Variants in FBXL18 observed in about 807,000 individuals in gnomAD.
FBXL18 encodes the protein F-box and leucine rich repeat protein 18.
In FBXL18, 36 loss-of-function variants were observed where a neutral mutation model predicts 46.0. The observed-to-expected ratio is 0.78, with a 90% CI of 0.60 to 1.03. FBXL18 has a LOEUF of 1.03. Ranked by LOEUF, FBXL18 falls within the 50% of genes least tolerant of loss-of-function variation. The probability of loss-of-function intolerance (pLI) is 0.00; values close to 1 mark genes in which losing one functional copy is unlikely to be tolerated. For missense variants in FBXL18, 977 were observed against 1,004.1 expected, an observed-to-expected ratio of 0.97 and a Z score of 0.36; for synonymous variants, 557 against 465.3, an observed-to-expected ratio of 1.20 and a Z score of -2.54.
chr7:5,488,312 C>T (rs556556015), intron 4 of FBXL18, among the ~76,000 whole-genome samples: 72 of 152,276 alleles, frequency 4.7e-4, no homozygotes, highest in Non-Finnish European at 8.2e-4. Flanking sequence ...CACGTCCAAC[C>T]GACCCGCCTG....
chr7:5,458,017 C>T (rs1010855896), intron 4 of FBXL18, among the ~76,000 whole-genome samples: 1 of 151,740 alleles, frequency 6.6e-6, no homozygotes, highest in African/African-American at 2.4e-5. Flanking sequence ...GACATTGCTC[C>T]GGCGGATTCA....
intron 4 of FBXL18, among the ~76,000 whole-genome samples, chr7:5,482,540 C>A (rs1783676470): frequency 6.6e-6 from 1 of 150,838 alleles, no homozygotes; most frequent in South Asian, 2.1e-4. Context: ...CCCCGCCACG[C>A]TGTGCACGAA....
chr7:5,488,721 G>A (rs1176262811), intron 4 of FBXL18, among the ~76,000 whole-genome samples: 17 of 152,230 alleles, frequency 1.1e-4, no homozygotes, highest in East Asian at 9.6e-4. Context: ...AAGCGCAAGC[G>A]TATGGGGGGC....
chr7:5,456,144 A>G (rs1051633092), intron 4 of FBXL18, among the ~76,000 whole-genome samples: 2 of 151,890 alleles, frequency 1.3e-5, no homozygotes, highest in African/African-American at 4.8e-5. Flanking sequence ...CTAAAAGCAG[A>G]CCAGTCCCCA....
intron 4 of FBXL18, among the ~76,000 whole-genome samples, chr7:5,484,868 A>G (rs1783735156): frequency 6.6e-6 from 1 of 151,760 alleles, no homozygotes; most frequent in African/African-American, 2.4e-5. Flanking sequence ...CGAACTCCTG[A>G]CCTCAAGTGA....
chr7:5,482,494 A>ACCCCCCCCCCATGC, intron 4 of FBXL18, among the ~76,000 whole-genome samples: 1 of 124,330 alleles, frequency 8.0e-6, no homozygotes, highest in Non-Finnish European at 1.7e-5. Context: ...CAGGTAGGCG[A>ACCCCCCCCCCATGC]CCCCCCCCCA....
chr7:5,471,101 G>A (rs1452455456), downstream of FBXL18, among the ~76,000 whole-genome samples: 5 of 152,178 alleles, frequency 3.3e-5, no homozygotes, highest in Admixed American at 3.3e-4. Flanking sequence ...GCAAAGCAAG[G>A]GTCACGGCAA....
rs1783592001 is a variant in FBXL18 at position 5,479,526 on chromosome 7, T to C, written c.*2249A>G. On this transcript the variant is annotated 3_prime_UTR_variant, in exon 5 of 5. Coordinates refer to ENST00000382368, the MANE Select transcript of FBXL18 (RefSeq NM_024963.6). ...CGCGCCTGGTGGTCTCCAGGTGCCA[T>C]TTTAAAGCTCTAAAGAAATGCCCAG... is the stretch of plus-strand genomic sequence containing the variant. The C allele has an allele frequency of 6.6e-6, 1 of 152,202 alleles. No homozygotes were observed. Among genetic ancestry groups the C allele is most frequent in the Non-Finnish European group, 1.5e-5 (1 of 68,070 alleles). The allele number at this position is 152,202 out of a possible 1,614,324, so 9.4% of individuals were successfully genotyped here.
At position 5,500,472 on chromosome 7, in the gene FBXL18, C is replaced by G. The variant is rs749279919; in HGVS notation, c.1781+16G>C. 6.4e-7 allele frequency: 1 copy of G among 1,573,048 alleles called. No homozygotes were observed. Among genetic ancestry groups the G allele is most frequent in the Admixed American group, 1.8e-5 (1 of 55,414 alleles). ...GCTTCCAGCAGAGGCCCGAGAGGTC[C>G]CCGCGGCCCCCTCACCTGAGGTCCC... On this transcript the variant is annotated intron_variant, in intron 3 of 4. Coordinates refer to ENST00000382368, the MANE Select transcript of FBXL18 (RefSeq NM_024963.6).
chr7:5,513,755 G>C lies in FBXL18; in HGVS notation c.-81C>G. ...TGCCCGGCTAGGGATGCTCGAAGCCGGCGCGTCCACCGCTCAACCGAGACC... is the reference window on the plus strand; with the variant it reads ...TGCCCGGCTAGGGATGCTCGAAGCCCGCGCGTCCACCGCTCAACCGAGACC... On this transcript the variant is annotated 5_prime_UTR_variant, in exon 1 of 5. Coordinates refer to ENST00000382368, the MANE Select transcript of FBXL18 (RefSeq NM_024963.6). 4 of 1,541,038 alleles carry C rather than the reference G, an allele frequency of 2.6e-6. No individual in the cohort carries two copies. The highest frequency in any genetic ancestry group is 2.6e-6 in the Non-Finnish European group (3 of 1,140,376).
At position 5,477,260 on chromosome 7, in the gene FBXL18, C is replaced by T. The variant is rs1197238723; in HGVS notation, c.*4515G>A. 1.3e-5 allele frequency among the ~76,000 whole-genome samples: 2 copies of T among 152,170 alleles called. No individual in the cohort carries two copies. The highest frequency in any genetic ancestry group is 2.9e-5 in the Non-Finnish European group (2 of 68,042). On this transcript the variant is annotated 3_prime_UTR_variant, in exon 5 of 5. Transcript: ENST00000382368. The surrounding 1 kb of genome is among the most constrained non-coding windows in gnomAD (Gnocchi z 4.4). ...GACCCATGACCATCACAAAGACCCC[C>T]CAGCGTCGTGGTCAAGGCTACCAGG...
At chr7:5,473,855 T>C (rs1203198947), downstream of FBXL18, among the ~76,000 whole-genome samples, 1 of 151,532 alleles carries the variant, frequency 6.6e-6, no homozygotes, top group Non-Finnish European at 1.5e-5. Flanking sequence ...AGGGTAATAG[T>C]GCGGCCTTGG....
In FBXL18 at chr7:5,481,850, G is replaced by A. The variant is rs757632636; in HGVS notation, c.2082C>T (p.Val694=). The part of the protein sequence containing the change: ...HEGLTDVIRD[V]PLVHLDEITL... ...TGATCTCATCCAGGTGCACCAGGGG[G>A]ACGTCCCGGATGACGTCGGTCAGGC... Residue 694 remains valine, a synonymous_variant, in exon 5 of 5, where the codon GTC becomes GTT. Transcript: ENST00000382368. 3.1e-6 allele frequency: 5 copies of A among 1,613,900 alleles called. No homozygotes were observed. The highest frequency in any genetic ancestry group is 1.7e-4 in the Middle Eastern group (1 of 6,060).
chr7:5,485,614 G>A (rs1311821770), intron 4 of FBXL18, among the ~76,000 whole-genome samples: 2 of 152,072 alleles, frequency 1.3e-5, no homozygotes, highest in African/African-American at 4.8e-5. Context: ...AGGAGTTCAA[G>A]ACCACCCCGG....
Position 5,480,318 on chromosome 7 carries a change from C to G in FBXL18, c.*1457G>C, listed in dbSNP as rs529214118. 6.6e-6 allele frequency: 1 copy of G among 152,238 alleles called. No individual in the cohort carries two copies. The highest frequency in any genetic ancestry group is 1.5e-5 in the Non-Finnish European group (1 of 68,032). 9.4% of individuals were successfully genotyped at this position (152,238 alleles called of 1,614,324 possible). On this transcript the variant is annotated 3_prime_UTR_variant, in exon 5 of 5. Transcript: ENST00000382368. ...ACAGCCCCCTTTGGAAGCCACTGGCCCAGGGACAGCTCTAGGAGCGCCTGG... is the reference window on the plus strand; with the variant it reads ...ACAGCCCCCTTTGGAAGCCACTGGCGCAGGGACAGCTCTAGGAGCGCCTGG...
rs763428681 is a variant in FBXL18 at position 5,501,998 on chromosome 7, C to T, written c.271G>A (p.Glu91Lys). Residue 91 changes from glutamate (E) to lysine (K), a missense_variant, in exon 3 of 5, where the codon GAG (glutamate) becomes AAG (lysine). Physicochemically the swap from Glu to Lys is moderately conservative, Grantham distance 56. Coordinates refer to ENST00000382368, the MANE Select transcript of FBXL18 (RefSeq NM_024963.6). The stretch of plus-strand genomic sequence containing the variant: ...AGCTGCTGGATCTCCCGGCCGATCT[C>T]CTTCACCAGCTGCCTCACTTTGTCC... Reference protein sequence around the residue: ...SEDKVRQLVKEIGREIQQLSM... With the variant: ...SEDKVRQLVKKIGREIQQLSM... The T allele has an allele frequency of 1.2e-6, 2 of 1,604,924 alleles. No homozygotes were observed. Among genetic ancestry groups the T allele is most frequent in the South Asian group, 2.2e-5 (2 of 89,290 alleles).
rs1783567068 is a variant in FBXL18, at chr7:5,478,515, G to C, written c.*3260C>G. ...CACGGGGCTGCAGGGCCGGGAAGGGGGTCAGGAGAATAAATAGCAGCTAGG... is the reference window on the plus strand; with the variant it reads ...CACGGGGCTGCAGGGCCGGGAAGGGCGTCAGGAGAATAAATAGCAGCTAGG... On this transcript the variant is annotated 3_prime_UTR_variant, in exon 5 of 5. Coordinates refer to ENST00000382368, the MANE Select transcript of FBXL18 (RefSeq NM_024963.6). 1 of 152,694 alleles carries C rather than the reference G, an allele frequency of 6.5e-6. No homozygotes were observed. Among genetic ancestry groups the C allele is most frequent in the African/African-American group, 2.4e-5 (1 of 41,464 alleles). 9.5% of individuals were successfully genotyped at this position (152,694 alleles called of 1,614,324 possible).
intron 4 of FBXL18, among the ~76,000 whole-genome samples, chr7:5,457,244 G>A (rs1783186411): frequency 6.6e-6 from 1 of 152,190 alleles, no homozygotes; most frequent in African/African-American, 2.4e-5. Flanking sequence ...TGTGTGGTGT[G>A]GGTGCCACAG....
intron 1 of FBXL18, among the ~76,000 whole-genome samples, chr7:5,508,271 A>G (rs1784442747): frequency 6.6e-6 from 1 of 151,130 alleles, no homozygotes; most frequent in Non-Finnish European, 1.5e-5. Context: ...TCTCAAAAAA[A>G]AAAAAAGAAA....
Sources: allele counts gnomAD v4.1 joint callset (sites outside exome capture counted in the v4.1 genomes callset), GRCh38; gene constraint gnomAD v4.1.1; non-coding constraint Gnocchi (gnomAD v3.1); transcripts MANE v1.5; gene names NCBI Gene and HGNC (gene_info 2026-07-23, HGNC 2026-07-21).